The following HTR2C variants were observed in gnomAD, a reference collection of about 807,000 sequenced individuals.
The protein encoded by HTR2C is 5-hydroxytryptamine (serotonin) receptor 2C, G protein-coupled.
In HTR2C, 5 loss-of-function variants were observed where a neutral mutation model predicts 21.0. The ratio of observed to expected loss-of-function variants is 0.24; its 90% CI spans 0.12 to 0.50. The LOEUF is 0.50. HTR2C is among the 20% of genes least tolerant of loss of function. The pLI is 0.98. For synonymous variants in HTR2C, 150 were observed against 145.3 expected (o/e 1.03, Z -0.23); for missense variants, 271 against 371.2 (o/e 0.73, Z 2.22).
rs782098235 is a variant in HTR2C at position 114,644,141 on chromosome X, G to A, written c.-80+30260G>A. Among the ~76,000 whole-genome samples, 8 of 106,803 alleles carry A rather than the reference G, an allele frequency of 7.5e-5. No homozygotes were observed. The East Asian group carries it at 1.2e-3, about 16-fold the overall frequency. 92.7% of individuals were successfully genotyped at this position (106,803 alleles called of 115,157 possible). On this transcript the variant is annotated intron_variant, in intron 2 of 5. Coordinates refer to ENST00000276198, the MANE Select transcript of HTR2C (RefSeq NM_000868.4). ...GCGGGTCACTTGAGGTCAGGAGTTC[G>A]AGACCAGCCTGGCCAACATGGTGAA...
At chrX:114,858,474 A>G (rs1602885678) in intron 5 of HTR2C, among the ~76,000 whole-genome samples, 1 of 111,248 alleles carries the variant, frequency 9.0e-6, no homozygotes, top group East Asian at 2.8e-4. Flanking sequence ...TGCTATTGTA[A>G]ATATTTCTAG....
chrX:114,700,977 A>C (rs918340107), intron 2 of HTR2C, among the ~76,000 whole-genome samples: 3 of 112,237 alleles, frequency 2.7e-5, no homozygotes, highest in Non-Finnish European at 5.6e-5. Context: ...AGTCTGAGAT[A>C]AAACTGCAAG....
intron 2 of HTR2C, among the ~76,000 whole-genome samples, chrX:114,627,460 G>A (rs1301852160): frequency 9.0e-6 from 1 of 111,248 alleles, no homozygotes; most frequent in East Asian, 2.8e-4. Flanking sequence ...AAAAGTATTG[G>A]CCAAGATATC....
At chrX:114,721,016 A>C (rs367945969) in intron 2 of HTR2C, among the ~76,000 whole-genome samples, 13 of 91,565 alleles carry the variant, frequency 1.4e-4, no homozygotes, top group South Asian at 6.5e-4. Flanking sequence ...ATTTATAGTC[A>C]TTTGGGTATA....
At chrX:114,834,001 T>C (rs2070755651) in intron 4 of HTR2C, among the ~76,000 whole-genome samples, 1 of 110,416 alleles carries the variant, frequency 9.1e-6, no homozygotes, top group South Asian at 4.0e-4. Flanking sequence ...TTCCATGTAG[T>C]TGAGCGGTTT....
chrX:114,805,525 A>G (rs1556448447), intron 4 of HTR2C, among the ~76,000 whole-genome samples: 1 of 59,017 alleles, frequency 1.7e-5, no homozygotes, highest in African/African-American at 5.6e-5. Context: ...TATATGCACC[A>G]TATATATATG....
intron 2 of HTR2C, among the ~76,000 whole-genome samples, chrX:114,677,183 A>G (rs1301065906): frequency 9.0e-6 from 1 of 111,693 alleles, no homozygotes; most frequent in Non-Finnish European, 1.9e-5. Context: ...TGTGTGGTCA[A>G]TATAGATTTC....
At chrX:114,812,496 G>A (rs1317171747) in intron 4 of HTR2C, among the ~76,000 whole-genome samples, 2 of 110,811 alleles carry the variant, frequency 1.8e-5, no homozygotes, top group Non-Finnish European at 3.8e-5. Flanking sequence ...TTGGGAGGCC[G>A]AGGTGGGTGG....
intron 4 of HTR2C, among the ~76,000 whole-genome samples, chrX:114,789,948 G>A (rs1314047314): frequency 1.8e-5 from 2 of 111,897 alleles, no homozygotes; most frequent in Admixed American, 9.5e-5. Context: ...TAAGAATTTT[G>A]TTTTATTTCC....
chrX:114,697,335 A>C (rs1932309472), intron 2 of HTR2C, among the ~76,000 whole-genome samples: 1 of 112,289 alleles, frequency 8.9e-6, no homozygotes, highest in African/African-American at 3.2e-5. Context: ...TTGACTTATT[A>C]GTTCATATTA....
chrX:114,772,276 T>C (rs1217203393), intron 4 of HTR2C, among the ~76,000 whole-genome samples: 1 of 112,068 alleles, frequency 8.9e-6, no homozygotes, highest in African/African-American at 3.2e-5. Flanking sequence ...ATTTTAAACA[T>C]AATAGCATAA....
intron 5 of HTR2C, among the ~76,000 whole-genome samples, chrX:114,868,612 C>A (rs781783344): frequency 8.9e-6 from 1 of 112,521 alleles, no homozygotes; most frequent in African/African-American, 3.2e-5. Context: ...ACTGGAATAA[C>A]TTTGCATTCA....
intron 2 of HTR2C, among the ~76,000 whole-genome samples, chrX:114,653,153 G>A (rs1201151470): frequency 1.9e-5 from 2 of 106,609 alleles, no homozygotes; most frequent in Non-Finnish European, 3.9e-5. Flanking sequence ...TCTTTACTAC[G>A]TTATATAATT....
intron 4 of HTR2C, among the ~76,000 whole-genome samples, chrX:114,735,569 G>A (rs2069582383): frequency 9.0e-6 from 1 of 110,806 alleles, no homozygotes; most frequent in African/African-American, 3.3e-5. Context: ...AAATTAGGAA[G>A]AGAAAGAGGA....
At chrX:114,715,027 A>T (rs1356260341) in intron 2 of HTR2C, among the ~76,000 whole-genome samples, 1 of 112,319 alleles carries the variant, frequency 8.9e-6, no homozygotes, top group Non-Finnish European at 1.9e-5. Context: ...AACAAGATTC[A>T]TCTGGTACTT....
chrX:114,727,034 A>T, intron 3 of HTR2C, 63 bp downstream of exon 3: 1 of 682,982 alleles, frequency 1.5e-6, no homozygotes, highest in Non-Finnish European at 2.1e-6. Flanking sequence ...CTTGCTCAAC[A>T]TGTTAAAAAA....
At chrX:114,881,844 A>G (rs1281959574) in intron 5 of HTR2C, among the ~76,000 whole-genome samples, 1 of 110,168 alleles carries the variant, frequency 9.1e-6, no homozygotes, top group Non-Finnish European at 1.9e-5. Context: ...TTGCAATTTC[A>G]TATGAATTTT....
intron 2 of HTR2C, among the ~76,000 whole-genome samples, chrX:114,707,133 T>C (rs782221760): frequency 1.1e-4 from 12 of 112,105 alleles, no homozygotes; most frequent in African/African-American, 3.9e-4. Flanking sequence ...AAAAACAAAT[T>C]ATTCTTATAA....
Position 114,644,367 on chromosome X carries a change from ATATATATATATATATATATATATATAT to A in HTR2C, c.-80+30487_-80+30513del, listed in dbSNP as rs1930272663. On this transcript the variant is annotated intron_variant, in intron 2 of 5. Transcript: ENST00000276198. ...CTAAAATAAATAAATAAATAAATAT[ATATATATATATATATATATATATATAT>A]ATATATATATATATTTCTGAGAAGT... Among the ~76,000 whole-genome samples the A allele has an allele frequency of 3.6e-3, 173 of 48,414 alleles. 5 individuals carry two copies. The Admixed American group carries it at 0.039, about 11-fold the overall frequency. 42.0% of individuals were successfully genotyped at this position (48,414 alleles called of 115,157 possible). A position where few individuals can be genotyped will look rare whatever the true frequency, so the allele number is the denominator to read the frequency against.
Sources: allele counts gnomAD v4.1 joint callset (sites outside exome capture counted in the v4.1 genomes callset), GRCh38; gene constraint gnomAD v4.1.1; transcripts MANE v1.5; gene names NCBI Gene and HGNC (gene_info 2026-07-23, HGNC 2026-07-21).